The following RAE1 variants were observed in gnomAD, a reference collection of about 807,000 sequenced individuals.
RAE1 encodes the protein mRNA export factor RAE1.
RAE1 carries 13 observed loss-of-function variants against 52.7 expected under a neutral mutation model. That is an observed-to-expected ratio of 0.25 (90% confidence interval 0.16 to 0.39). The LOEUF is 0.39. RAE1 is among the 10% of genes least tolerant of loss of function. The pLI, the probability that RAE1 is intolerant of heterozygous loss-of-function variation, is 1.00. For synonymous variants in RAE1, 164 were observed against 153.1 expected (o/e 1.07, Z -0.52); for missense variants, 262 against 459.8 (o/e 0.57, Z 3.93).
intron 1 of RAE1, among the ~76,000 whole-genome samples, chr20:57,353,623 C>T (rs1463278785): frequency 6.6e-6 from 1 of 152,208 alleles, no homozygotes; most frequent in African/African-American, 2.4e-5. Flanking sequence ...CCTGAAAGCA[C>T]GGGGACCTGC....
At chr20:57,371,934 C>T (rs2067041299) in intron 8 of RAE1, 1 of 152,182 alleles carries the variant, frequency 6.6e-6, no homozygotes, top group African/African-American at 2.4e-5. Context: ...CAGAAAGAAA[C>T]TGCATGGTTC....
chr20:57,375,547 T>C (rs775509519), intron 11 of RAE1, among the ~76,000 whole-genome samples: 2 of 152,058 alleles, frequency 1.3e-5, no homozygotes, highest in African/African-American at 2.4e-5. Flanking sequence ...CATGGCTCTT[T>C]TCTGGGCCTT....
At chr20:57,361,112 AAG>A (rs1043432436) in intron 4 of RAE1, among the ~76,000 whole-genome samples, 8 of 151,668 alleles carry the variant, frequency 5.3e-5, no homozygotes, top group South Asian at 2.1e-4. Context: ...GAAAGAAAGA[AAG>A]AAATAGAAAT....
At chr20:57,365,628 T>G (rs1277434910) in intron 5 of RAE1, among the ~76,000 whole-genome samples, 186 bp downstream of exon 5, 1 of 152,246 alleles carries the variant, frequency 6.6e-6, no homozygotes, top group African/African-American at 2.4e-5. Flanking sequence ...TTCTCATTCT[T>G]AACTAGTGTT....
intron 11 of RAE1, among the ~76,000 whole-genome samples, chr20:57,376,871 A>C (rs1208454302): frequency 1.3e-5 from 2 of 152,264 alleles, no homozygotes; most frequent in African/African-American, 4.8e-5. Context: ...GAAAGCAGTG[A>C]GAAAGGTAAT....
At chr20:57,374,001 C>T (rs1402110328) in intron 10 of RAE1, among the ~76,000 whole-genome samples, 1 of 152,208 alleles carries the variant, frequency 6.6e-6, no homozygotes, top group African/African-American at 2.4e-5. Flanking sequence ...TCAAGCGATT[C>T]TCCTGCCTCA....
chr20:57,378,208 A>C lies in RAE1; in HGVS notation c.*109A>C. On this transcript the variant is annotated 3_prime_UTR_variant, in exon 12 of 12. Transcript: ENST00000395841. The stretch of plus-strand genomic sequence containing the variant: ...GTTGTCAGCCATGGACATGGATTTC[A>C]ACCCCTGGAGAAAACGATGTCATTG... 5.5e-6 allele frequency: 5 copies of C among 900,930 alleles called. No individual in the cohort carries two copies. The highest frequency in any genetic ancestry group is 8.3e-6 in the Non-Finnish European group (5 of 600,646). The allele number at this position is 900,930 out of a possible 1,614,324, so 55.8% of individuals were successfully genotyped here. A position where few individuals can be genotyped will look rare whatever the true frequency, so the allele number is the denominator to read the frequency against.
At chr20:57,368,866 A>C (rs1026643610) in intron 8 of RAE1, 54 bp downstream of exon 8, 5 of 1,407,758 alleles carry the variant, frequency 3.6e-6, no homozygotes, top group East Asian at 2.4e-5. Flanking sequence ...TGTATGCAAG[A>C]TTGTGCTCAC....
intron 1 of RAE1, chr20:57,351,938 C>G: frequency 5.1e-6 from 5 of 985,484 alleles, no homozygotes; most frequent in Non-Finnish European, 6.0e-6. Flanking sequence ...TATTAAACAC[C>G]AGCCGCCCTG....
At chr20:57,376,494 C>A (rs1413654298) in intron 11 of RAE1, among the ~76,000 whole-genome samples, 5 of 152,178 alleles carry the variant, frequency 3.3e-5, no homozygotes, top group Non-Finnish European at 7.3e-5. Flanking sequence ...TACATTTTCC[C>A]CTCGCCCCAG....
chr20:57,368,582 T>C, intron 7 of RAE1, 123 bp from the exon 8 acceptor site: 1 of 596,552 alleles, frequency 1.7e-6, no homozygotes, highest in Non-Finnish European at 3.0e-6. Flanking sequence ...TTTAGTGAAA[T>C]ATAATCCCAG....
At chr20:57,374,830 C>T (rs759428037) in intron 11 of RAE1, 29 bp downstream of exon 11, 5 of 1,612,666 alleles carry the variant, frequency 3.1e-6, no homozygotes, top group South Asian at 2.2e-5. Context: ...GCTCTGGGTG[C>T]TCCAAGGCAG....
chr20:57,360,274 A>G (rs1291257348), intron 4 of RAE1, among the ~76,000 whole-genome samples: 2 of 152,198 alleles, frequency 1.3e-5, no homozygotes, highest in Non-Finnish European at 2.9e-5. Context: ...TAAGGCTGTC[A>G]TGAGATTTTC....
intron 4 of RAE1, among the ~76,000 whole-genome samples, chr20:57,364,958 T>G (rs1268856813): frequency 6.6e-6 from 1 of 152,214 alleles, no homozygotes; most frequent in Non-Finnish European, 1.5e-5. Context: ...GATGAATCTA[T>G]GTGAAGTGCT....
At chr20:57,370,882 C>G (rs1160885482) in intron 8 of RAE1, among the ~76,000 whole-genome samples, 3 of 152,174 alleles carry the variant, frequency 2.0e-5, no homozygotes, top group Non-Finnish European at 4.4e-5. Flanking sequence ...AACATTTGAT[C>G]TGAACCTGCC....
chr20:57,369,662 A>G (rs950452281), intron 8 of RAE1, among the ~76,000 whole-genome samples: 7 of 152,192 alleles, frequency 4.6e-5, no homozygotes, highest in African/African-American at 1.2e-4. Flanking sequence ...CTAGCTTCCA[A>G]CTTCAACTCT....
chr20:57,368,869 G>T, intron 8 of RAE1, 57 bp downstream of exon 8: 2 of 1,379,846 alleles, frequency 1.4e-6, no homozygotes, highest in Non-Finnish European at 2.0e-6. Flanking sequence ...ATGCAAGATT[G>T]TGCTCACATC....
rs1044987946 is a variant in RAE1 at position 57,378,393 on chromosome 20, G to A, written c.*294G>A. The A allele has an allele frequency of 5.9e-6, 2 of 336,626 alleles. No homozygotes were observed. The highest frequency in any genetic ancestry group is 1.1e-5 in the Non-Finnish European group (2 of 183,796). The allele number at this position is 336,626 out of a possible 1,614,324, so 20.9% of individuals were successfully genotyped here. ...GCAGCGCTTCAGTGTACGTGTTAGA[G>A]AATATTGGAAAAGCGTCTGTGAGCC... On this transcript the variant is annotated 3_prime_UTR_variant, in exon 12 of 12. Transcript: ENST00000395841.
At position 57,354,100 on chromosome 20, in the gene RAE1, C is replaced by G. The variant is rs1193720727; in HGVS notation, c.62C>G (p.Ala21Gly). ...AGTGGGACCAGCATGTTTGGCAGTG[C>G]AACTACAGACAATCACAATCCCATG... Reference protein sequence around the residue: ...GTSGTSMFGSATTDNHNPMKD... With the variant: ...GTSGTSMFGSGTTDNHNPMKD... Residue 21 changes from alanine (A) to glycine (G), a missense_variant, in exon 2 of 12, where the codon GCA (alanine) becomes GGA (glycine). Physicochemically the swap from Ala to Gly is moderately conservative, Grantham distance 60 (BLOSUM62 0). Transcript: ENST00000395841. The G allele has an allele frequency of 6.2e-7, 1 of 1,614,016 alleles. No homozygotes were observed. Among genetic ancestry groups the G allele is most frequent in the African/African-American group, 1.3e-5 (1 of 75,062 alleles).
Sources: allele counts gnomAD v4.1 joint callset (sites outside exome capture counted in the v4.1 genomes callset), GRCh38; gene constraint gnomAD v4.1.1; transcripts MANE v1.5; gene names NCBI Gene and HGNC (gene_info 2026-07-23, HGNC 2026-07-21).